The following GABBR2 variants were observed in gnomAD, a reference collection of about 807,000 sequenced individuals.
The protein encoded by GABBR2 is G-protein coupled receptor 51.
In GABBR2, 23 loss-of-function variants were observed where a neutral mutation model predicts 105.6. That is an observed-to-expected ratio of 0.22 (90% CI 0.16 to 0.31). GABBR2 has a LOEUF of 0.31. Among genes scored for constraint, GABBR2 ranks in the 10% least tolerant of loss-of-function variants. GABBR2 has a pLI of 1.00. For synonymous variants in GABBR2, 478 were observed against 499.7 expected (o/e 0.96, Z 0.58); for missense variants, 734 against 1,245.5 (o/e 0.59, Z 6.18).
At chr9:98,390,221 G>A (rs7041599) in intron 9 of GABBR2, among the ~76,000 whole-genome samples, 28,428 of 151,434 alleles carry the variant, frequency 0.19, 3,958 homozygotes, top group African/African-American at 0.39. Flanking sequence ...CCGAAAATAC[G>A]AAAATAGCTG....
At chr9:98,535,233 A>T (rs2001993) in intron 3 of GABBR2, among the ~76,000 whole-genome samples, 1 of 151,744 alleles carries the variant, frequency 6.6e-6, no homozygotes, top group Non-Finnish European at 1.5e-5. Context: ...AAGTAGCTGG[A>T]ATTACAGGCG....
chr9:98,298,169 G>A (rs1398841481), intron 17 of GABBR2, among the ~76,000 whole-genome samples: 1 of 151,896 alleles, frequency 6.6e-6, no homozygotes, highest in African/African-American at 2.4e-5. Flanking sequence ...TTTAAAAAAT[G>A]CATTCACACA....
At chr9:98,542,107 T>C in intron 2 of GABBR2, 64 bp from the exon 3 acceptor site, 1 of 1,387,090 alleles carries the variant, frequency 7.2e-7, no homozygotes, top group Non-Finnish European at 1.0e-6. Flanking sequence ...CCCAGCATCT[T>C]TCCTACTGGA....
At chr9:98,430,658 C>T (rs957443900) in intron 7 of GABBR2, among the ~76,000 whole-genome samples, 1 of 152,114 alleles carries the variant, frequency 6.6e-6, no homozygotes, top group African/African-American at 2.4e-5. Context: ...TGTGAGCAGA[C>T]CTGCATAGTT....
intron 5 of GABBR2, among the ~76,000 whole-genome samples, chr9:98,474,349 T>G (rs1297202070): frequency 6.6e-6 from 1 of 152,102 alleles, no homozygotes; most frequent in African/African-American, 2.4e-5. Context: ...TTATTTTATA[T>G]CAGGAAAATC....
intron 15 of GABBR2, 101 bp from the exon 16 acceptor site, chr9:98,303,524 A>T (rs1830503405): frequency 9.6e-7 from 1 of 1,041,904 alleles, no homozygotes; most frequent in African/African-American, 1.6e-5. Flanking sequence ...TCTGGAGGCG[A>T]TAAGAGGCCC....
intron 2 of GABBR2, among the ~76,000 whole-genome samples, chr9:98,553,676 G>A (rs1266256334): frequency 7.2e-5 from 11 of 152,216 alleles, no homozygotes; most frequent in East Asian, 5.8e-4. Flanking sequence ...AGCACGTACC[G>A]TGGAGCAAGC....
chr9:98,639,583 C>T (rs999030280), intron 1 of GABBR2, among the ~76,000 whole-genome samples: 2 of 147,174 alleles, frequency 1.4e-5, no homozygotes, highest in African/African-American at 5.1e-5. Context: ...AACCATTGTT[C>T]TCACACACGC....
intron 1 of GABBR2, among the ~76,000 whole-genome samples, chr9:98,598,844 G>A (rs554679681): frequency 1.3e-5 from 2 of 152,270 alleles, no homozygotes; most frequent in East Asian, 1.9e-4. Context: ...TACAGGCCAC[G>A]TGAGATGGGC....
chr9:98,442,536 T>A (rs1826050424), intron 7 of GABBR2, among the ~76,000 whole-genome samples: 1 of 152,158 alleles, frequency 6.6e-6, no homozygotes, highest in South Asian at 2.1e-4. Context: ...AATGAGAGGG[T>A]TAAATTACTT....
intron 13 of GABBR2, among the ~76,000 whole-genome samples, chr9:98,328,993 G>C (rs1000393167): frequency 6.6e-6 from 1 of 152,142 alleles, no homozygotes; most frequent in African/African-American, 2.4e-5. Context: ...CTGTAAAATG[G>C]GGCTAGACAT....
At chr9:98,470,795 GTT>G (rs58596178) in intron 6 of GABBR2, among the ~76,000 whole-genome samples, 1 of 147,244 alleles carries the variant, frequency 6.8e-6, no homozygotes. Flanking sequence ...TCATCATGGG[GTT>G]TTTTTTTTGG....
Position 98,306,433 on chromosome 9 carries a change from T to A in GABBR2, c.2005-88A>T. ...TCTGAGAAGCTGTGGAGTGGAGGGT[T>A]ACTCAGGAGGTGGGCTGCAGGGAGG... On this transcript the variant is annotated intron_variant, in intron 14 of 18. Coordinates refer to ENST00000259455, the MANE Select transcript of GABBR2 (RefSeq NM_005458.8). The surrounding 1 kb of genome is among the most constrained non-coding windows in gnomAD (Gnocchi z 5.4). The A allele has an allele frequency of 1.5e-6, 1 of 679,124 alleles. No individual in the cohort carries two copies. Among genetic ancestry groups the A allele is most frequent in the Non-Finnish European group, 2.6e-6 (1 of 386,764 alleles). The allele number at this position is 679,124 out of a possible 1,614,324, so 42.1% of individuals were successfully genotyped here.
chr9:98,502,913 C>T (rs1258983452), intron 3 of GABBR2, among the ~76,000 whole-genome samples: 3 of 152,238 alleles, frequency 2.0e-5, no homozygotes, highest in African/African-American at 7.2e-5. Context: ...CTACTTCATT[C>T]ACTCACTTAT....
At chr9:98,439,323 AG>A (rs1825989866) in intron 7 of GABBR2, among the ~76,000 whole-genome samples, 1 of 152,220 alleles carries the variant, frequency 6.6e-6, no homozygotes, top group South Asian at 2.1e-4. Context: ...CTGACAGCTC[AG>A]ACCCAGGTTC....
In GABBR2 at chr9:98,476,519, C is replaced by T. The variant is rs553805890; in HGVS notation, c.799-3173G>A. Among the ~76,000 whole-genome samples the T allele has an allele frequency of 1.1e-4, 17 of 152,264 alleles. 1 individual carries two copies. In the South Asian group the frequency reaches 3.5e-3, roughly 32 times the overall value. ...ACAGAGGAAAGCAAAGCCTGCCTCA[C>T]TGTACTGGTTTAAGAATTAAATGAG... On this transcript the variant is annotated intron_variant, in intron 5 of 18. Transcript: ENST00000259455.
At chr9:98,625,550 T>C (rs1829726094) in intron 1 of GABBR2, among the ~76,000 whole-genome samples, 1 of 152,152 alleles carries the variant, frequency 6.6e-6, no homozygotes, top group Non-Finnish European at 1.5e-5. Flanking sequence ...GGAGGGGCTA[T>C]GATATCCCCT....
Position 98,586,822 on chromosome 9 carries a change from C to T in GABBR2, c.322-8750G>A, listed in dbSNP as rs974849660. 6.6e-5 allele frequency among the ~76,000 whole-genome samples: 10 copies of T among 152,166 alleles called. 1 individual carries two copies. Among genetic ancestry groups the T allele is most frequent in the Non-Finnish European group, 2.9e-5 (2 of 68,036 alleles). Reference sequence around the variant, plus strand: ...TGTAATATGCCATTGTGTGAATATGCCACCGTTTGTTTGTTCATTCCTCTG... The same window carrying T: ...TGTAATATGCCATTGTGTGAATATGTCACCGTTTGTTTGTTCATTCCTCTG... On this transcript the variant is annotated intron_variant, in intron 1 of 18. Coordinates refer to ENST00000259455, the MANE Select transcript of GABBR2 (RefSeq NM_005458.8).
intron 1 of GABBR2, among the ~76,000 whole-genome samples, chr9:98,684,169 T>TAAAAAAAAAAAAAAAAAAAAAAAAA (rs3032196): frequency 1.5e-5 from 1 of 66,116 alleles, no homozygotes; most frequent in African/African-American, 6.3e-5. Flanking sequence ...TTTACCACGG[T>TAAAAAAAAAAAAAAAAAAAAAAAAA]AAAAAAAAAA....
Sources: gnomAD v4.1 joint callset for allele counts (sites outside exome capture counted in the v4.1 genomes callset) on GRCh38, gnomAD v4.1.1 for gene constraint, Gnocchi (gnomAD v3.1) non-coding constraint, MANE v1.5 for transcripts, NCBI Gene and HGNC (gene_info 2026-07-23, HGNC 2026-07-21) for gene names.